The following PARPBP variants were observed in gnomAD, a reference collection of about 807,000 sequenced individuals.
PARPBP encodes the protein PCNA-interacting partner.
A neutral mutation model predicts 50.0 loss-of-function variants in PARPBP; 52 were observed. That is an observed-to-expected ratio of 1.04 (90% CI 0.83 to 1.31). The LOEUF (loss-of-function observed/expected upper bound fraction) is 1.31. PARPBP is among the 50% of genes most tolerant of loss of function. The pLI, the probability that PARPBP is intolerant of heterozygous loss-of-function variation, is 0.00. For synonymous variants in PARPBP, 244 were observed against 232.1 expected (o/e 1.05, Z -0.47); for missense variants, 697 against 672.0 (o/e 1.04, Z -0.41).
intron 3 of PARPBP, chr12:102,150,507 T>A (rs934807677): frequency 1.8e-5 from 6 of 327,614 alleles, no homozygotes; most frequent in Non-Finnish European, 3.0e-5. Flanking sequence ...TAAAGCTAAG[T>A]CAGGGCAATT....
intron 4 of PARPBP, chr12:102,155,132 T>A (rs907205186): frequency 1.0e-5 from 2 of 194,722 alleles, no homozygotes; most frequent in Non-Finnish European, 2.1e-5. Flanking sequence ...ATGTACTGAT[T>A]GATGTCTTAT....
intron 1 of PARPBP, among the ~76,000 whole-genome samples, chr12:102,122,067 C>T (rs1881228533): frequency 6.6e-6 from 1 of 152,088 alleles, no homozygotes; most frequent in African/African-American, 2.4e-5. Context: ...GTGGTGGAGC[C>T]ACATTTCAGA....
Position 102,175,662 on chromosome 12 carries a change from C to G in PARPBP, c.1001C>G (p.Ala334Gly), listed in dbSNP as rs759805232. 6.3e-6 allele frequency: 10 copies of G among 1,585,790 alleles called. No individual in the cohort carries two copies. Among genetic ancestry groups the G allele is most frequent in the Non-Finnish European group, 8.6e-6 (10 of 1,163,806 alleles). ...CTTAGCACCACTGACATCAGTCCTG[C>G]TCGGGTAATGAGCTTTTTATTTTTC... Reference protein sequence around the residue: ...VALSTTDISPARPKSHAINHG... With the variant: ...VALSTTDISPGRPKSHAINHG... Residue 334 changes from alanine to glycine, a missense_variant, in exon 7 of 11, where the codon GCT (alanine) becomes GGT (glycine). Transcript: ENST00000327680.
In PARPBP at chr12:102,196,593, C is replaced by T; in HGVS notation, c.*302C>T. 2 of 1,204,932 alleles carry T rather than the reference C, an allele frequency of 1.7e-6. No individual in the cohort carries two copies. Among genetic ancestry groups the T allele is most frequent in the Non-Finnish European group, 2.5e-6 (2 of 807,734 alleles). The allele number at this position is 1,204,932 out of a possible 1,614,324, so 74.6% of individuals were successfully genotyped here. On this transcript the variant is annotated 3_prime_UTR_variant, in exon 11 of 11. Coordinates refer to ENST00000327680, the MANE Select transcript of PARPBP (RefSeq NM_017915.5). ...TATAGTAGCAGTATGGGCTTCTCCT[C>T]CCATTGGCAATTAAATGCTTTTATT...
In PARPBP at chr12:102,196,511, T is replaced by A; in HGVS notation, c.*220T>A. On this transcript the variant is annotated 3_prime_UTR_variant, in exon 11 of 11. Transcript: ENST00000327680. Reference sequence around the variant, plus strand: ...GCACAGAGAAAGCATATCATTTCAGTTACTGATACATCTTAACACTACTTT... The same window carrying A: ...GCACAGAGAAAGCATATCATTTCAGATACTGATACATCTTAACACTACTTT... The A allele has an allele frequency of 1.3e-6, 1 of 759,270 alleles. No individual in the cohort carries two copies. The highest frequency in any genetic ancestry group is 2.3e-6 in the Non-Finnish European group (1 of 435,348). 47.0% of individuals were successfully genotyped at this position (759,270 alleles called of 1,614,324 possible).
chr12:102,132,727 C>A (rs1320473545), intron 2 of PARPBP, among the ~76,000 whole-genome samples: 1 of 152,134 alleles, frequency 6.6e-6, no homozygotes, highest in Non-Finnish European at 1.5e-5. Context: ...AGCATTGAAT[C>A]TGTATATTGC....
At chr12:102,141,439 A>G (rs1398323925) in intron 2 of PARPBP, among the ~76,000 whole-genome samples, 4 of 152,064 alleles carry the variant, frequency 2.6e-5, no homozygotes, top group Non-Finnish European at 5.9e-5. Context: ...CTCTTTATCC[A>G]ATTTGCCAGT....
intron 6 of PARPBP, among the ~76,000 whole-genome samples, chr12:102,167,094 GC>G (rs1297748253): frequency 2.0e-5 from 3 of 151,986 alleles, no homozygotes; most frequent in African/African-American, 7.2e-5. Flanking sequence ...TTCAATCTTT[GC>G]TTTTGCTCGT....
intron 2 of PARPBP, among the ~76,000 whole-genome samples, chr12:102,124,825 C>T (rs1565846486): frequency 6.6e-6 from 1 of 151,988 alleles, no homozygotes; most frequent in East Asian, 1.9e-4. Context: ...CAGTAGTTTC[C>T]AGATTTTTAG....
chr12:102,151,230 A>G (rs1174689067), intron 3 of PARPBP, among the ~76,000 whole-genome samples: 1 of 152,134 alleles, frequency 6.6e-6, no homozygotes, highest in Non-Finnish European at 1.5e-5. Flanking sequence ...AAAACTATGG[A>G]TCTGGCAAAA....
At chr12:102,128,107 A>G (rs1413871987) in intron 2 of PARPBP, among the ~76,000 whole-genome samples, 2 of 152,222 alleles carry the variant, frequency 1.3e-5, no homozygotes, top group Non-Finnish European at 2.9e-5. Flanking sequence ...GTTGTACAAT[A>G]GATCTCTTGA....
intron 1 of PARPBP, among the ~76,000 whole-genome samples, chr12:102,120,943 T>G (rs570221323): frequency 2.4e-4 from 36 of 152,210 alleles, no homozygotes; most frequent in Non-Finnish European, 4.3e-4. Flanking sequence ...CAATTTTCTG[T>G]CTCACAGTTT....
intron 2 of PARPBP, among the ~76,000 whole-genome samples, chr12:102,143,761 C>T (rs904433335): frequency 6.6e-6 from 1 of 151,908 alleles, no homozygotes; most frequent in African/African-American, 2.4e-5. Context: ...GACTGACAAT[C>T]GTGTTAATAG....
intron 2 of PARPBP, among the ~76,000 whole-genome samples, chr12:102,146,658 C>G (rs1187805360): frequency 3.3e-5 from 5 of 151,706 alleles, no homozygotes; most frequent in African/African-American, 1.2e-4. Context: ...TAGGCATGAG[C>G]AAGGACTTCA....
At chr12:102,134,971 T>A (rs552827395) in intron 2 of PARPBP, among the ~76,000 whole-genome samples, 1 of 152,186 alleles carries the variant, frequency 6.6e-6, no homozygotes, top group East Asian at 1.9e-4. Context: ...AACCACTATG[T>A]CTGACCTCTT....
rs75954897 is a variant in PARPBP at position 102,184,482 on chromosome 12, A to T, written c.1263+1855A>T. 5.9e-3 allele frequency among the ~76,000 whole-genome samples: 906 copies of T among 152,340 alleles called. 7 individuals carry two copies. The highest frequency in any genetic ancestry group is 0.019 in the African/African-American group (799 of 41,584). On this transcript the variant is annotated intron_variant, in intron 9 of 10. Transcript: ENST00000327680. ...GAAAGTTTTGGGAAATAGAACAGAG[A>T]TCATCTAATGCAGTCTCATTTACAG...
At chr12:102,136,863 G>T (rs1178184643) in intron 2 of PARPBP, among the ~76,000 whole-genome samples, 1 of 152,092 alleles carries the variant, frequency 6.6e-6, no homozygotes, top group Non-Finnish European at 1.5e-5. Context: ...GATAGAGTTG[G>T]TTGTATATAT....
rs1434941853 is a variant in PARPBP at position 102,165,712 on chromosome 12, T to A, written c.667-17T>A. ...TAAATCACTGGACATAACTTATCCG[T>A]TTGTTTTAATTCATAGGTGGCCACG... On this transcript the variant is annotated splice_polypyrimidine_tract_variant and intron_variant, in intron 5 of 10. Transcript: ENST00000327680. 3.2e-6 allele frequency: 5 copies of A among 1,584,432 alleles called. No homozygotes were observed. The highest frequency in any genetic ancestry group is 4.3e-6 in the Non-Finnish European group (5 of 1,162,292).
At chr12:102,149,447 G>A (rs778415892) in intron 3 of PARPBP, among the ~76,000 whole-genome samples, 1 of 152,074 alleles carries the variant, frequency 6.6e-6, no homozygotes, top group Non-Finnish European at 1.5e-5. Flanking sequence ...ACCATTTTAT[G>A]GTCCAAGATG....
Sources: allele counts gnomAD v4.1 joint callset (sites outside exome capture counted in the v4.1 genomes callset), GRCh38; gene constraint gnomAD v4.1.1; transcripts MANE v1.5; gene names NCBI Gene and HGNC (gene_info 2026-07-23, HGNC 2026-07-21).